The following ZNF391 variants were observed in gnomAD, a reference collection of about 807,000 sequenced individuals.
ZNF391 encodes the protein zinc finger protein 391.
For missense variants in ZNF391, 375 were observed against 425.5 expected (o/e 0.88, Z 1.04); for synonymous variants, 126 against 142.1 (o/e 0.89, Z 0.80).
intron 1 of ZNF391, among the ~76,000 whole-genome samples, chr6:27,380,669 G>A (rs1190271499): frequency 6.6e-6 from 1 of 151,958 alleles, no homozygotes; most frequent in Non-Finnish European, 1.5e-5. Flanking sequence ...GCGCTTTTTG[G>A]TGCGTTTGCA....
chr6:27,383,211 A>G (rs1324092536), intron 1 of ZNF391, among the ~76,000 whole-genome samples: 1 of 152,176 alleles, frequency 6.6e-6, no homozygotes, highest in Non-Finnish European at 1.5e-5. Flanking sequence ...CAAAAAGTAT[A>G]ACATATGTAT....
At chr6:27,384,682 G>A (rs116470496), upstream of ZNF391, among the ~76,000 whole-genome samples, 1,613 of 152,044 alleles carry the variant, frequency 0.011, 23 homozygotes, top group African/African-American at 0.035. Context: ...TGCAAAATGA[G>A]TGACAGCAAT....
chr6:27,385,993 A>G (rs1471650775), upstream of ZNF391, among the ~76,000 whole-genome samples: 1 of 152,192 alleles, frequency 6.6e-6, no homozygotes, highest in Admixed American at 6.5e-5. Flanking sequence ...AATCTCCCAC[A>G]TACTTGGAGA....
chr6:27,393,390 C>T (rs916713113), intron 1 of ZNF391, among the ~76,000 whole-genome samples: 3 of 152,170 alleles, frequency 2.0e-5, no homozygotes, highest in African/African-American at 7.2e-5. Flanking sequence ...TGCCTAATCC[C>T]CCTTTGCCTT....
intron 1 of ZNF391, among the ~76,000 whole-genome samples, chr6:27,382,993 G>A (rs1361165843): frequency 6.6e-6 from 1 of 151,952 alleles, no homozygotes; most frequent in African/African-American, 2.4e-5. Context: ...GGTGGTGCAT[G>A]CCTGTAGTCC....
rs1219648605 is a variant in ZNF391 at position 27,401,674 on chromosome 6, T to G, written c.*227T>G. The stretch of plus-strand genomic sequence containing the variant: ...CTACTTTTTCTCCCTCTCCCTGTTC[T>G]TTCTTTCTCTTTTCTCAAATAAGTT... On this transcript the variant is annotated 3_prime_UTR_variant, in exon 3 of 3. Coordinates refer to ENST00000244576, the MANE Select transcript of ZNF391 (RefSeq NM_001076781.3). The G allele has an allele frequency of 2.8e-5, 11 of 389,234 alleles. No individual in the cohort carries two copies. The highest frequency in any genetic ancestry group is 5.0e-5 in the Non-Finnish European group (11 of 218,706). The allele number at this position is 389,234 out of a possible 1,614,324, so 24.1% of individuals were successfully genotyped here.
At chr6:27,375,959 A>G (rs987641057) in intron 1 of ZNF391, among the ~76,000 whole-genome samples, 12 of 152,214 alleles carry the variant, frequency 7.9e-5, no homozygotes, top group East Asian at 1.9e-4. Context: ...AGAGGATTCA[A>G]TTGGTTACTT....
upstream of ZNF391, among the ~76,000 whole-genome samples, chr6:27,385,288 C>T (rs541590366): frequency 6.6e-6 from 1 of 152,122 alleles, no homozygotes; most frequent in African/African-American, 2.4e-5. Context: ...AACAGTTAAG[C>T]GTAGTAGATA....
At chr6:27,385,720 C>A (rs1227109314), upstream of ZNF391, among the ~76,000 whole-genome samples, 2 of 151,954 alleles carry the variant, frequency 1.3e-5, no homozygotes, top group Non-Finnish European at 2.9e-5. Flanking sequence ...ATGGGCAGAT[C>A]CAGGAAGCAG....
upstream of ZNF391, among the ~76,000 whole-genome samples, chr6:27,386,723 A>T (rs1012637374): frequency 1.3e-5 from 2 of 152,204 alleles, no homozygotes; most frequent in Non-Finnish European, 2.9e-5. Flanking sequence ...ATAAAGTTGT[A>T]GTATTTACAC....
chr6:27,390,265 T>A (rs886864793), intron 1 of ZNF391, among the ~76,000 whole-genome samples: 1 of 152,180 alleles, frequency 6.6e-6, no homozygotes, highest in African/African-American at 2.4e-5. Flanking sequence ...GAATTTTAGA[T>A]AATTAGGGTA....
In ZNF391 at chr6:27,401,328, CTTA is replaced by C. The variant is rs1366342525; in HGVS notation, c.964_966del (p.Ile322del). The stretch of plus-strand genomic sequence containing the variant: ...AAAGGGCTTCAGTCGAAGCTCATCC[CTTA>C]TTATTCATCAGAGAACTCATACCGG... On this transcript the variant is annotated inframe_deletion, in exon 3 of 3. Coordinates refer to ENST00000244576, the MANE Select transcript of ZNF391 (RefSeq NM_001076781.3). 5.0e-6 allele frequency: 8 copies of C among 1,614,078 alleles called. No homozygotes were observed. Among genetic ancestry groups the C allele is most frequent in the Non-Finnish European group, 5.1e-6 (6 of 1,180,028 alleles).
In ZNF391 at chr6:27,401,583, A is replaced by G. The variant is rs1384498119; in HGVS notation, c.*136A>G. 1.4e-5 allele frequency: 8 copies of G among 589,384 alleles called. No homozygotes were observed. The highest frequency in any genetic ancestry group is 2.2e-5 in the Non-Finnish European group (8 of 367,158). 36.5% of individuals were successfully genotyped at this position (589,384 alleles called of 1,614,324 possible). On this transcript the variant is annotated 3_prime_UTR_variant, in exon 3 of 3. Coordinates refer to ENST00000244576, the MANE Select transcript of ZNF391 (RefSeq NM_001076781.3). ...ATACCTATACCCGTTTTAAGCTTTC[A>G]TTCGTTCTTTCCATCCATCTATCCT...
At chr6:27,396,745 AAT>A (rs1761834033) in intron 1 of ZNF391, among the ~76,000 whole-genome samples, 8 of 152,186 alleles carry the variant, frequency 5.3e-5, no homozygotes, top group Admixed American at 5.2e-4. Context: ...AAAGAAAAAA[AAT>A]GTATATTTCC....
At chr6:27,392,001 G>A (rs1363442121) in intron 1 of ZNF391, among the ~76,000 whole-genome samples, 4 of 152,202 alleles carry the variant, frequency 2.6e-5, no homozygotes, top group Non-Finnish European at 5.9e-5. Flanking sequence ...GTGCCTCAAA[G>A]TTTGGGATCT....
At chr6:27,385,482 A>G (rs1761572881), upstream of ZNF391, among the ~76,000 whole-genome samples, 1 of 152,178 alleles carries the variant, frequency 6.6e-6, no homozygotes, top group Non-Finnish European at 1.5e-5. Context: ...AAGAAAGCAG[A>G]AGTAGCTACA....
upstream of ZNF391, among the ~76,000 whole-genome samples, chr6:27,384,333 A>T (rs1484677900): frequency 6.6e-6 from 1 of 151,682 alleles, no homozygotes; most frequent in Non-Finnish European, 1.5e-5. Flanking sequence ...GTTTGGTGGT[A>T]CATGCCTGTA....
At chr6:27,393,336 G>A (rs1354406836) in intron 1 of ZNF391, among the ~76,000 whole-genome samples, 1 of 152,140 alleles carries the variant, frequency 6.6e-6, no homozygotes, top group African/African-American at 2.4e-5. Flanking sequence ...GTGTAAAAGT[G>A]TGTGGTACCT....
chr6:27,391,651 CAT>C (rs890117497), intron 1 of ZNF391, among the ~76,000 whole-genome samples: 28 of 152,218 alleles, frequency 1.8e-4, no homozygotes, highest in African/African-American at 6.3e-4. Flanking sequence ...CCATATTCCA[CAT>C]GAGTTAAGTA....
Sources: allele counts gnomAD v4.1 joint callset (sites outside exome capture counted in the v4.1 genomes callset), GRCh38; gene constraint gnomAD v4.1.1; transcripts MANE v1.5; gene names NCBI Gene and HGNC (gene_info 2026-07-23, HGNC 2026-07-21).